Variants in CSTPP1 observed in about 807,000 individuals in gnomAD.
CSTPP1 encodes UPF0705 protein C11orf49.
the CSTPP1 span, among the ~76,000 whole-genome samples, chr11:46,937,384 C>T: frequency 6.6e-6 from 1 of 152,006 alleles, no homozygotes; most frequent in Admixed American, 6.6e-5. Flanking sequence ...AAAATGGTAG[C>T]GCTAGGATCA....
the CSTPP1 span, chr11:47,052,159 G>A: frequency 2.6e-6 from 1 of 388,852 alleles, no homozygotes; most frequent in East Asian, 4.8e-5. Flanking sequence ...TGTACCTGTG[G>A]AAGGTGGGAA....
the CSTPP1 span, among the ~76,000 whole-genome samples, chr11:47,135,002 G>C: frequency 1.3e-5 from 2 of 151,990 alleles, no homozygotes; most frequent in African/African-American, 2.4e-5. Flanking sequence ...CCAGCTACTT[G>C]GGAGGCTGAG....
the CSTPP1 span, among the ~76,000 whole-genome samples, chr11:47,090,547 G>C: frequency 2.6e-5 from 4 of 152,116 alleles, no homozygotes; most frequent in Non-Finnish European, 5.9e-5. Flanking sequence ...GGGTCAGAGA[G>C]GTCCCTGGAA....
At chr11:47,079,687 A>G in the CSTPP1 span, among the ~76,000 whole-genome samples, 1 of 152,348 alleles carries the variant, frequency 6.6e-6, no homozygotes, top group Non-Finnish European at 1.5e-5. Flanking sequence ...TGCTGAATAT[A>G]CATTTGTCTA....
At chr11:47,138,505 G>A in the CSTPP1 span, among the ~76,000 whole-genome samples, 30 of 152,296 alleles carry the variant, frequency 2.0e-4, no homozygotes, top group Admixed American at 5.2e-4. Flanking sequence ...CCAGTTGAAG[G>A]AAAGGCACAT....
chr11:47,033,929 G>T, the CSTPP1 span, among the ~76,000 whole-genome samples: 1 of 152,004 alleles, frequency 6.6e-6, no homozygotes, highest in Non-Finnish European at 1.5e-5. Flanking sequence ...TGGGTTCTGG[G>T]TGGCCAGGGA....
the CSTPP1 span, chr11:47,164,137 C>A: frequency 1.9e-6 from 3 of 1,613,872 alleles, no homozygotes; most frequent in South Asian, 1.1e-5. Flanking sequence ...CAGCACAGAG[C>A]CAAGGAGCCA....
chr11:47,024,670 C>G, the CSTPP1 span, among the ~76,000 whole-genome samples: 1 of 152,204 alleles, frequency 6.6e-6, no homozygotes, highest in Non-Finnish European at 1.5e-5. Flanking sequence ...AAGACCTCAC[C>G]TGACAAACAG....
At chr11:47,137,955 T>C in the CSTPP1 span, 1 of 590,430 alleles carries the variant, frequency 1.7e-6, no homozygotes, top group East Asian at 2.9e-5. Flanking sequence ...GGTCTGAAGA[T>C]AGAGTTGGAG....
At chr11:46,968,213 C>T in the CSTPP1 span, among the ~76,000 whole-genome samples, 1 of 151,696 alleles carries the variant, frequency 6.6e-6, no homozygotes, top group Non-Finnish European at 1.5e-5. Context: ...GTTTAGTCTA[C>T]TGGGGCCTAG....
chr11:46,979,784 G>A, the CSTPP1 span, among the ~76,000 whole-genome samples: 2 of 152,152 alleles, frequency 1.3e-5, no homozygotes, highest in African/African-American at 4.8e-5. Context: ...ATGGTGGCGG[G>A]CGCCTGTAAT....
At chr11:47,052,623 C>T in the CSTPP1 span, 1 of 1,412,768 alleles carries the variant, frequency 7.1e-7, no homozygotes, top group Non-Finnish European at 9.4e-7. Context: ...TCCTCTCTTT[C>T]TCTTTCAAAC....
the CSTPP1 span, among the ~76,000 whole-genome samples, chr11:47,107,558 CT>C: frequency 6.6e-6 from 1 of 151,866 alleles, no homozygotes; most frequent in African/African-American, 2.4e-5. Context: ...GGTTTTTTGC[CT>C]CTATTTGGCA....
chr11:47,033,309 T>G, the CSTPP1 span, among the ~76,000 whole-genome samples: 2 of 152,332 alleles, frequency 1.3e-5, no homozygotes, highest in African/African-American at 4.8e-5. Context: ...TTTCAGTGCC[T>G]GTATCACTGA....
At chr11:46,937,813 A>G in the CSTPP1 span, among the ~76,000 whole-genome samples, 4 of 152,178 alleles carry the variant, frequency 2.6e-5, no homozygotes, top group Admixed American at 2.6e-4. Flanking sequence ...CTTGGATTAC[A>G]GGCGTGAGCC....
chr11:47,100,160 C>T, the CSTPP1 span, among the ~76,000 whole-genome samples: 25 of 152,078 alleles, frequency 1.6e-4, no homozygotes. Context: ...TATTTTAGTA[C>T]AGAAAAATTA....
the CSTPP1 span, among the ~76,000 whole-genome samples, chr11:47,040,709 A>G: frequency 3.9e-5 from 5 of 126,786 alleles, 2 homozygotes; most frequent in Admixed American, 4.2e-4. Flanking sequence ...GAACCCCTGT[A>G]TGGCCTGTGA....
chr11:46,962,627 A>G, the CSTPP1 span, among the ~76,000 whole-genome samples: 5 of 152,328 alleles, frequency 3.3e-5, no homozygotes, highest in Admixed American at 2.0e-4. Flanking sequence ...TATAGTTTTC[A>G]TTGTATAAGT....
the CSTPP1 span, among the ~76,000 whole-genome samples, chr11:47,028,815 T>A: frequency 6.6e-6 from 1 of 152,138 alleles, no homozygotes; most frequent in Non-Finnish European, 1.5e-5. Context: ...GACAAAATCA[T>A]GCCATAGGAA....
Sources: gnomAD v4.1 joint callset for allele counts (sites outside exome capture counted in the v4.1 genomes callset) on GRCh38, gnomAD v4.1.1 for gene constraint, MANE v1.5 for transcripts, NCBI Gene and HGNC (gene_info 2026-07-23, HGNC 2026-07-21) for gene names.